CERKL: variants seen among roughly 807,000 people sequenced by gnomAD.
CERKL encodes the protein CERK like autophagy regulator.
A neutral mutation model predicts 63.4 loss-of-function variants in CERKL; 61 were observed. The observed-to-expected ratio is 0.96, with a 90% CI of 0.78 to 1.19. The LOEUF is 1.19. Ranked by LOEUF, CERKL falls within the 50% of genes most tolerant of loss-of-function variation. The pLI is 0.00. For missense variants in CERKL, 675 were observed against 655.5 expected, an observed-to-expected ratio of 1.03 and a Z score of -0.33; for synonymous variants, 250 against 230.5, an observed-to-expected ratio of 1.08 and a Z score of -0.77.
At chr2:181,610,910 A>G (rs963155308) in intron 1 of CERKL, among the ~76,000 whole-genome samples, 13 of 152,192 alleles carry the variant, frequency 8.5e-5, no homozygotes, top group Non-Finnish European at 1.8e-4. Context: ...GGGAATAAAT[A>G]TGCACAATTT....
intron 1 of CERKL, among the ~76,000 whole-genome samples, chr2:181,654,716 A>G (rs1688084342): frequency 6.6e-6 from 1 of 151,022 alleles, no homozygotes; most frequent in Non-Finnish European, 1.5e-5. Flanking sequence ...TCAACAACAG[A>G]GCATTTCTAA....
intron 2 of CERKL, among the ~76,000 whole-genome samples, chr2:181,589,795 G>C (rs2105873690): frequency 6.6e-6 from 1 of 152,266 alleles, no homozygotes; most frequent in Admixed American, 6.5e-5. Flanking sequence ...TAAAGAAAAA[G>C]TGTGTAAATT....
intron 1 of CERKL, among the ~76,000 whole-genome samples, chr2:181,637,979 G>A (rs1687254872): frequency 6.6e-6 from 1 of 152,050 alleles, no homozygotes; most frequent in Non-Finnish European, 1.5e-5. Context: ...GGCAGCATTG[G>A]TGTTGTTACT....
chr2:181,652,626 T>C (rs961473170), intron 1 of CERKL, among the ~76,000 whole-genome samples: 3 of 151,964 alleles, frequency 2.0e-5, no homozygotes, highest in African/African-American at 7.3e-5. Context: ...TAAGATTACA[T>C]CAAACTAAAA....
At chr2:181,543,830 A>G (rs987896271) in intron 11 of CERKL, among the ~76,000 whole-genome samples, 1 of 152,006 alleles carries the variant, frequency 6.6e-6, no homozygotes, top group Admixed American at 6.6e-5. Context: ...CCAAAAATAT[A>G]AAAATTAGCT....
At chr2:181,572,502 T>C (rs1480383263) in intron 3 of CERKL, among the ~76,000 whole-genome samples, 1 of 152,206 alleles carries the variant, frequency 6.6e-6, no homozygotes, top group Non-Finnish European at 1.5e-5. Context: ...CCAATATGTT[T>C]ATTCAACTTT....
At chr2:181,590,574 G>C (rs1459067767) in intron 2 of CERKL, among the ~76,000 whole-genome samples, 2 of 152,022 alleles carry the variant, frequency 1.3e-5, no homozygotes, top group African/African-American at 2.4e-5. Context: ...GAACTTGTCA[G>C]AATTGAGGAG....
intron 3 of CERKL, among the ~76,000 whole-genome samples, chr2:181,568,627 G>A (rs1688762645): frequency 6.6e-6 from 1 of 150,790 alleles, no homozygotes; most frequent in African/African-American, 2.4e-5. Context: ...AAATTTTGGA[G>A]CAATGACATG....
chr2:181,633,982 A>C (rs1472330092), intron 1 of CERKL, among the ~76,000 whole-genome samples: 2 of 152,200 alleles, frequency 1.3e-5, no homozygotes, highest in Non-Finnish European at 2.9e-5. Context: ...GAAATTTTCA[A>C]CTTAAGATTT....
chr2:181,577,514 CAG>C (rs941418323), intron 2 of CERKL, among the ~76,000 whole-genome samples: 4 of 152,286 alleles, frequency 2.6e-5, no homozygotes, highest in Admixed American at 2.6e-4. Flanking sequence ...GAAAGCTATA[CAG>C]TCCTGGGAAA....
rs1275701372 is a variant in CERKL, at chr2:181,536,674, T to TTCATGAAATGTAAAATATTTTTATA, written c.*1485_*1509dup. ...ATATAAATGAGACGACAGCAAAATT[T>TTCATGAAATGTAAAATATTTTTATA]TCATGAAATGTAAAATATTTTTATA... On this transcript the variant is annotated 3_prime_UTR_variant, in exon 13 of 13. Coordinates refer to ENST00000410087, the MANE Select transcript of CERKL (RefSeq NM_201548.5). The TTCATGAAATGTAAAATATTTTTATA allele has an allele frequency of 5.6e-6, 1 of 179,044 alleles. No homozygotes were observed. Among genetic ancestry groups the TTCATGAAATGTAAAATATTTTTATA allele is most frequent in the Non-Finnish European group, 1.2e-5 (1 of 83,574 alleles). The allele number at this position is 179,044 out of a possible 1,614,324, so 11.1% of individuals were successfully genotyped here.
Position 181,628,759 on chromosome 2 carries a change from A to G in CERKL, c.239-24680T>C, listed in dbSNP as rs77695467. 4.4e-3 allele frequency among the ~76,000 whole-genome samples: 672 copies of G among 152,320 alleles called. 4 individuals carry two copies. The highest frequency in any genetic ancestry group is 0.015 in the African/African-American group (630 of 41,580). Reference sequence around the variant, plus strand: ...ATGCAGTTACCACCTACACAAGATTATTATAATCTAACCCAAGTAATTACT... The same window carrying G: ...ATGCAGTTACCACCTACACAAGATTGTTATAATCTAACCCAAGTAATTACT... On this transcript the variant is annotated intron_variant, in intron 1 of 12. Transcript: ENST00000410087.
chr2:181,621,038 T>C (rs1397852345), intron 1 of CERKL, among the ~76,000 whole-genome samples: 2 of 152,216 alleles, frequency 1.3e-5, no homozygotes, highest in Admixed American at 6.5e-5. Context: ...ATTTTTAATA[T>C]GCTAGGCAAA....
chr2:181,655,983 ATC>A (rs1461875798), intron 1 of CERKL, among the ~76,000 whole-genome samples: 1 of 152,220 alleles, frequency 6.6e-6, no homozygotes, highest in Non-Finnish European at 1.5e-5. Flanking sequence ...TTTATAAAAT[ATC>A]TGTTAAGTCT....
chr2:181,553,078 AT>A (rs1688056285), intron 5 of CERKL, among the ~76,000 whole-genome samples: 1 of 152,174 alleles, frequency 6.6e-6, no homozygotes, highest in African/African-American at 2.4e-5. Flanking sequence ...TGGACTCAGA[AT>A]GTGTTTGGAG....
At chr2:181,565,817 G>A (rs961005991) in intron 4 of CERKL, among the ~76,000 whole-genome samples, 1 of 152,060 alleles carries the variant, frequency 6.6e-6, no homozygotes, top group African/African-American at 2.4e-5. Flanking sequence ...GTAGTACACT[G>A]TCATTTCCCA....
intron 1 of CERKL, among the ~76,000 whole-genome samples, chr2:181,615,363 G>A (rs1018924146): frequency 5.9e-5 from 9 of 152,216 alleles, no homozygotes; most frequent in Non-Finnish European, 1.0e-4. Context: ...ATAGAACAGC[G>A]AATGGCACTT....
intron 11 of CERKL, among the ~76,000 whole-genome samples, chr2:181,542,098 A>G (rs889524911): frequency 6.6e-6 from 1 of 152,310 alleles, no homozygotes; most frequent in Admixed American, 6.5e-5. Flanking sequence ...GGAAGCACTC[A>G]CATTTAAGGT....
At chr2:181,635,081 A>G (rs1687115169) in intron 1 of CERKL, among the ~76,000 whole-genome samples, 1 of 152,188 alleles carries the variant, frequency 6.6e-6, no homozygotes, top group Admixed American at 6.5e-5. Context: ...AGGCACTTAG[A>G]ATTTCAATGC....
Sources: gnomAD v4.1 joint callset for allele counts (sites outside exome capture counted in the v4.1 genomes callset) on GRCh38, gnomAD v4.1.1 for gene constraint, MANE v1.5 for transcripts, NCBI Gene and HGNC (gene_info 2026-07-23, HGNC 2026-07-21) for gene names.